Variants in SRBD1 observed in about 807,000 individuals in gnomAD.
SRBD1 encodes S1 RNA-binding domain-containing protein 1.
SRBD1 carries 88 observed loss-of-function variants against 115.3 expected under a neutral mutation model. That is an observed-to-expected ratio of 0.76 (90% CI 0.64 to 0.91). The LOEUF is 0.91. Ranked by LOEUF, SRBD1 falls within the 40% of genes least tolerant of loss-of-function variation. The pLI is 0.00. For synonymous variants in SRBD1, 509 were observed against 407.7 expected, an observed-to-expected ratio of 1.25 and a Z score of -2.99; for missense variants, 1,385 against 1,177.4, an observed-to-expected ratio of 1.18 and a Z score of -2.58.
At chr2:45,472,790 C>G (rs1669689395) in intron 16 of SRBD1, among the ~76,000 whole-genome samples, 2 of 152,188 alleles carry the variant, frequency 1.3e-5, no homozygotes, top group African/African-American at 4.8e-5. Context: ...ACAGATTGCT[C>G]AGGGCAATCA....
At chr2:45,544,980 T>C (rs1223850878) in intron 14 of SRBD1, among the ~76,000 whole-genome samples, 1 of 151,976 alleles carries the variant, frequency 6.6e-6, no homozygotes, top group Non-Finnish European at 1.5e-5. Flanking sequence ...AACTAGTAAA[T>C]GATTAAAACA....
intron 18 of SRBD1, among the ~76,000 whole-genome samples, chr2:45,414,564 CACACATAGTGTGTATATAGTGTGTGTGT>C (rs1667715010): frequency 2.0e-5 from 3 of 148,802 alleles, no homozygotes; most frequent in South Asian, 2.1e-4. Context: ...AGTGTGTGTA[CACACATAGTGTGTATATAGTGTGTGTGT>C]ACACATAGTG....
At chr2:45,402,437 C>A (rs1288998467) in intron 19 of SRBD1, among the ~76,000 whole-genome samples, 1 of 152,134 alleles carries the variant, frequency 6.6e-6, no homozygotes, top group East Asian at 1.9e-4. Flanking sequence ...AGCACATCAG[C>A]AGAAACAAAG....
intron 10 of SRBD1, among the ~76,000 whole-genome samples, chr2:45,561,579 T>G (rs1281318955): frequency 3.3e-5 from 5 of 152,188 alleles, no homozygotes; most frequent in African/African-American, 1.2e-4. Context: ...GTGATGAACT[T>G]TATCAAAATT....
At chr2:45,544,091 G>T (rs1457143597) in intron 14 of SRBD1, among the ~76,000 whole-genome samples, 1 of 152,028 alleles carries the variant, frequency 6.6e-6, no homozygotes, top group East Asian at 1.9e-4. Flanking sequence ...AAATTAGCCA[G>T]GCATGGTGGC....
intron 20 of SRBD1, 109 bp downstream of exon 20, chr2:45,392,836 G>A: frequency 2.0e-6 from 2 of 988,256 alleles, no homozygotes; most frequent in Non-Finnish European, 2.9e-6. Flanking sequence ...TGTATAAAAT[G>A]GGAGAATAAT....
chr2:45,569,903 C>T (rs1672956467), intron 9 of SRBD1, among the ~76,000 whole-genome samples: 1 of 152,114 alleles, frequency 6.6e-6, no homozygotes, highest in Non-Finnish European at 1.5e-5. Flanking sequence ...AGTGTTAAGG[C>T]CATAGAAAAC....
chr2:45,406,831 C>G (rs181771788), intron 19 of SRBD1, among the ~76,000 whole-genome samples: 119 of 151,532 alleles, frequency 7.9e-4, no homozygotes, highest in Non-Finnish European at 5.9e-4. Flanking sequence ...ATTTCAGCCA[C>G]GTGATGATAG....
chr2:45,482,325 A>G (rs1248106367), intron 15 of SRBD1, among the ~76,000 whole-genome samples: 2 of 152,108 alleles, frequency 1.3e-5, no homozygotes, highest in Admixed American at 1.3e-4. Flanking sequence ...TTGTCTACCT[A>G]GAAAACCTAA....
intron 4 of SRBD1, among the ~76,000 whole-genome samples, chr2:45,598,971 T>C (rs1673996287): frequency 6.6e-6 from 1 of 152,198 alleles, no homozygotes; most frequent in African/African-American, 2.4e-5. Flanking sequence ...GTAAGACATA[T>C]AATTCTGGCA....
chr2:45,389,337 A>G lies in SRBD1; in HGVS notation c.2961T>C (p.Ile987=). The G allele has an allele frequency of 3.7e-6, 6 of 1,614,024 alleles. No homozygotes were observed. Among genetic ancestry groups the G allele is most frequent in the Non-Finnish European group, 5.1e-6 (6 of 1,179,920 alleles). The change falls in exon 21 of 21, where the codon ATT becomes ATC. Residue 987 remains isoleucine (I), a synonymous_variant. Transcript: ENST00000263736. ...VLNIDIPRSR[I]TLDLIRVL Reference sequence around the variant, plus strand: ...ATAACACCCGAATGAGGTCCAGAGTAATCCTAGATCGGGGGATGTCAATGT... The same window carrying G: ...ATAACACCCGAATGAGGTCCAGAGTGATCCTAGATCGGGGGATGTCAATGT...
intron 8 of SRBD1, 119 bp from the exon 9 acceptor site, chr2:45,573,461 T>C: frequency 1.7e-6 from 2 of 1,182,852 alleles, no homozygotes; most frequent in East Asian, 2.8e-5. Flanking sequence ...GTTTTTTTAA[T>C]GATGCCCAGC....
intron 2 of SRBD1, among the ~76,000 whole-genome samples, chr2:45,602,675 C>T (rs553613623): frequency 8.5e-5 from 13 of 152,198 alleles, no homozygotes; most frequent in South Asian, 2.1e-4. Context: ...TTTCTAACAA[C>T]GAAGAATCAA....
chr2:45,405,727 G>T (rs1401024833), intron 19 of SRBD1, among the ~76,000 whole-genome samples: 1 of 152,204 alleles, frequency 6.6e-6, no homozygotes, highest in African/African-American at 2.4e-5. Flanking sequence ...TTGGTAAGTT[G>T]ATAGTGTCAA....
intron 9 of SRBD1, among the ~76,000 whole-genome samples, chr2:45,571,951 C>G (rs1472548200): frequency 6.6e-6 from 1 of 152,000 alleles, no homozygotes; most frequent in Non-Finnish European, 1.5e-5. Flanking sequence ...GAGAAAGGCG[C>G]AGAAAGGATA....
At position 45,532,683 on chromosome 2, in the gene SRBD1, G is replaced by A. The variant is rs1460507462; in HGVS notation, c.1874+14049C>T. On this transcript the variant is annotated intron_variant, in intron 14 of 20. Transcript: ENST00000263736. ...CGGAAAAGTAATGGGAATTAAACTG[G>A]GCGTAACCTTAGAAATGTACGGATG... 3.3e-5 allele frequency among the ~76,000 whole-genome samples: 5 copies of A among 151,652 alleles called. No homozygotes were observed. The East Asian group carries it at 9.6e-4, about 29-fold the overall frequency.
At chr2:45,568,716 C>T (rs1672913439) in intron 9 of SRBD1, among the ~76,000 whole-genome samples, 1 of 152,094 alleles carries the variant, frequency 6.6e-6, no homozygotes, top group South Asian at 2.1e-4. Context: ...TAGGTTTTAA[C>T]AGAATAAAAG....
chr2:45,592,147 T>G (rs981276374), intron 4 of SRBD1, among the ~76,000 whole-genome samples: 8 of 152,152 alleles, frequency 5.3e-5, no homozygotes, highest in African/African-American at 1.9e-4. Flanking sequence ...AGAAGTGCCT[T>G]TTGCCTCCCA....
chr2:45,466,207 G>A (rs1016071975), intron 16 of SRBD1, among the ~76,000 whole-genome samples: 3 of 152,158 alleles, frequency 2.0e-5, no homozygotes, highest in Non-Finnish European at 2.9e-5. Context: ...CTGCTTCACA[G>A]AGAAGATAAG....
Sources: allele counts gnomAD v4.1 joint callset (sites outside exome capture counted in the v4.1 genomes callset), GRCh38; gene constraint gnomAD v4.1.1; transcripts MANE v1.5; gene names NCBI Gene and HGNC (gene_info 2026-07-23, HGNC 2026-07-21).